GPC6: variants seen among roughly 807,000 people sequenced by gnomAD.
GPC6 encodes the protein glypican 6, also known as glypican-6.
In GPC6, 14 loss-of-function variants were observed where a neutral mutation model predicts 55.2. The ratio of observed to expected loss-of-function variants is 0.25; its 90% CI spans 0.17 to 0.40. GPC6 has a LOEUF of 0.40. Ranked by LOEUF, GPC6 falls within the 10% of genes least tolerant of loss-of-function variation. The pLI is 1.00. For missense variants in GPC6, 641 were observed against 708.5 expected (o/e 0.90, Z 1.08); for synonymous variants, 278 against 259.6 (o/e 1.07, Z -0.68).
intron 1 of GPC6, among the ~76,000 whole-genome samples, chr13:93,384,797 A>G (rs988074128): frequency 2.0e-5 from 3 of 152,238 alleles, no homozygotes; most frequent in Non-Finnish European, 4.4e-5. Context: ...TTCCTGTGGT[A>G]TGAGATACCC....
At chr13:93,379,353 T>G (rs1481618014) in intron 1 of GPC6, among the ~76,000 whole-genome samples, 1 of 152,234 alleles carries the variant, frequency 6.6e-6, no homozygotes, top group Non-Finnish European at 1.5e-5. Flanking sequence ...GTAATTGCAG[T>G]TGATTATGTC....
At chr13:93,539,981 G>C (rs565681284) in intron 1 of GPC6, among the ~76,000 whole-genome samples, 1 of 152,244 alleles carries the variant, frequency 6.6e-6, no homozygotes, top group East Asian at 1.9e-4. Context: ...ATGAGGCACC[G>C]TGCCCAGCCG....
At chr13:93,919,899 A>T (rs1042860322) in intron 3 of GPC6, among the ~76,000 whole-genome samples, 2 of 152,202 alleles carry the variant, frequency 1.3e-5, no homozygotes, top group Non-Finnish European at 2.9e-5. Context: ...TGCTGCGTAG[A>T]CTTGCTTAGA....
intron 3 of GPC6, among the ~76,000 whole-genome samples, chr13:93,860,815 A>G (rs542070129): frequency 5.3e-5 from 8 of 151,708 alleles, no homozygotes; most frequent in Non-Finnish European, 1.2e-4. Context: ...ATTGCACAAA[A>G]TAACTATTAT....
intron 2 of GPC6, among the ~76,000 whole-genome samples, chr13:93,605,348 T>C (rs1182467234): frequency 6.6e-6 from 1 of 152,222 alleles, no homozygotes; most frequent in Admixed American, 6.5e-5. Context: ...TAAGGCATCA[T>C]TTTTCCTTAT....
chr13:93,975,309 C>G (rs1215031700), intron 3 of GPC6, among the ~76,000 whole-genome samples: 1 of 152,064 alleles, frequency 6.6e-6, no homozygotes, highest in Non-Finnish European at 1.5e-5. Flanking sequence ...ATTGCTTAAT[C>G]TTTCAGAATT....
intron 6 of GPC6, among the ~76,000 whole-genome samples, chr13:94,330,058 C>T (rs1035434851): frequency 1.3e-5 from 2 of 152,184 alleles, no homozygotes; most frequent in Non-Finnish European, 2.9e-5. Flanking sequence ...GGGAATTTCA[C>T]ACTGGAACAG....
At chr13:94,150,315 T>TC (rs1887693900) in intron 4 of GPC6, among the ~76,000 whole-genome samples, 1 of 151,986 alleles carries the variant, frequency 6.6e-6, no homozygotes, top group Admixed American at 6.6e-5. Context: ...GATATCCTTT[T>TC]CCCCCCTTGT....
intron 6 of GPC6, among the ~76,000 whole-genome samples, chr13:94,337,064 C>T (rs762588730): frequency 1.2e-3 from 184 of 152,224 alleles, no homozygotes; most frequent in Non-Finnish European, 1.6e-3. Context: ...CCTCCTTCTA[C>T]TTTCACCCTG....
chr13:93,412,538 C>A (rs974967725), intron 1 of GPC6, among the ~76,000 whole-genome samples: 11 of 152,090 alleles, frequency 7.2e-5, no homozygotes, highest in African/African-American at 2.6e-4. Context: ...ATGCCTGTAG[C>A]CCCAGCTACT....
chr13:94,325,897 C>T (rs1444433830), intron 6 of GPC6, among the ~76,000 whole-genome samples: 1 of 152,180 alleles, frequency 6.6e-6, no homozygotes, highest in Non-Finnish European at 1.5e-5. Context: ...TCCTTAGAAG[C>T]TCTGACCATG....
At chr13:93,494,017 G>A (rs964613459) in intron 1 of GPC6, among the ~76,000 whole-genome samples, 2 of 129,194 alleles carry the variant, frequency 1.5e-5, no homozygotes, top group African/African-American at 2.9e-5. Flanking sequence ...GTGGTGGAGA[G>A]TTCTGTAGAT....
chr13:94,005,903 C>T (rs955105701), intron 3 of GPC6, among the ~76,000 whole-genome samples: 1 of 152,038 alleles, frequency 6.6e-6, no homozygotes, highest in African/African-American at 2.4e-5. Flanking sequence ...GTTATTTTTT[C>T]AATAATCTTT....
chr13:93,400,552 T>C (rs917431499), intron 1 of GPC6, among the ~76,000 whole-genome samples: 8 of 152,204 alleles, frequency 5.3e-5, no homozygotes, highest in African/African-American at 1.4e-4. Context: ...ACAAGGTGAC[T>C]ACCGTCAAAA....
intron 3 of GPC6, among the ~76,000 whole-genome samples, chr13:93,910,366 T>C (rs375109955): frequency 1.1e-4 from 17 of 152,302 alleles, no homozygotes; most frequent in African/African-American, 4.1e-4. Context: ...CCCAGCCACA[T>C]GGAATGTGAG....
chr13:93,845,642 A>G (rs1011280942), intron 3 of GPC6, among the ~76,000 whole-genome samples: 1 of 144,174 alleles, frequency 6.9e-6, no homozygotes, highest in African/African-American at 2.6e-5. Flanking sequence ...ACCATGGAAT[A>G]CTATGCAGCC....
chr13:93,623,514 A>C (rs2139560821), intron 2 of GPC6, among the ~76,000 whole-genome samples: 1 of 133,696 alleles, frequency 7.5e-6, no homozygotes, highest in African/African-American at 2.9e-5. Flanking sequence ...GCTGGAGTGC[A>C]GTGGTGCATT....
chr13:94,150,551 C>T (rs1459713813), intron 4 of GPC6, among the ~76,000 whole-genome samples: 1 of 151,930 alleles, frequency 6.6e-6, no homozygotes, highest in East Asian at 1.9e-4. Flanking sequence ...ATATACTTTT[C>T]TTATTTGATG....
At chr13:93,713,781 T>A (rs1266232874) in intron 2 of GPC6, among the ~76,000 whole-genome samples, 2 of 151,700 alleles carry the variant, frequency 1.3e-5, no homozygotes, top group East Asian at 3.9e-4. Flanking sequence ...TATGATATTT[T>A]TATATCAGCA....
Sources: allele counts gnomAD v4.1 joint callset (sites outside exome capture counted in the v4.1 genomes callset), GRCh38; gene constraint gnomAD v4.1.1; transcripts MANE v1.5; gene names NCBI Gene and HGNC (gene_info 2026-07-23, HGNC 2026-07-21).